Variants in TDRP observed in about 807,000 individuals in gnomAD.
The protein encoded by TDRP is testis development-related protein.
In TDRP, 12 loss-of-function variants were observed where a neutral mutation model predicts 10.5. That is an observed-to-expected ratio of 1.15 (90% CI 0.73 to 1.86). The LOEUF is 1.86. TDRP is among the 40% of genes most tolerant of loss of function. TDRP has a pLI of 0.00. For missense variants in TDRP, 353 were observed against 229.2 expected (o/e 1.54, Z -3.49); for synonymous variants, 139 against 95.4 (o/e 1.46, Z -2.67).
rs1412891217 is a variant in TDRP, at chr8:492,545, C to A, written c.412G>T (p.Asp138Tyr). Residue 138 changes from aspartate (D) to tyrosine (Y), a missense_variant, in exon 3 of 3, where the codon GAT (aspartate) becomes TAT (tyrosine). Coordinates refer to ENST00000324079, the MANE Select transcript of TDRP (RefSeq NM_001384899.1). The stretch of plus-strand genomic sequence containing the variant: ...TACTTGGTCGAGCCCTTGGCGTCAT[C>A]CTCCCAGCCTGACCAGGATGGGTGG... ...GGHPSWSGWEDDAKGSTKYTS... is the reference protein window; with the variant it reads ...GGHPSWSGWEYDAKGSTKYTS... The A allele has an allele frequency of 7.4e-6, 12 of 1,612,026 alleles. No homozygotes were observed. The highest frequency in any genetic ancestry group is 1.3e-5 in the African/African-American group (1 of 75,058).
intron 1 of TDRP, among the ~76,000 whole-genome samples, chr8:530,259 T>G (rs1276450614): frequency 1.3e-5 from 2 of 152,218 alleles, no homozygotes; most frequent in Admixed American, 6.5e-5. Context: ...TTTCATTTGC[T>G]TGACTATCTC....
At chr8:501,183 G>A (rs1350617160) in intron 1 of TDRP, among the ~76,000 whole-genome samples, 3 of 151,610 alleles carry the variant, frequency 2.0e-5, no homozygotes, top group Non-Finnish European at 4.4e-5. Flanking sequence ...TCCAGCCTGG[G>A]CGACAGAGTG....
At chr8:497,609 A>G (rs1346030020) in intron 1 of TDRP, among the ~76,000 whole-genome samples, 1 of 152,150 alleles carries the variant, frequency 6.6e-6, no homozygotes. Flanking sequence ...AGAAAAGAAA[A>G]CCCTTTCTGG....
intron 1 of TDRP, among the ~76,000 whole-genome samples, chr8:509,879 T>C (rs1056654693): frequency 2.6e-5 from 4 of 152,184 alleles, no homozygotes; most frequent in Admixed American, 6.5e-5. Context: ...GGAAAATAAA[T>C]GTTGGGACTC....
Position 490,025 on chromosome 8 carries a change from A to G in TDRP, c.*2374T>C, listed in dbSNP as rs1161922802. On this transcript the variant is annotated 3_prime_UTR_variant, in exon 3 of 3. Transcript: ENST00000324079. ...CTTCTCTGAAGCACATCACTTTCCT[A>G]TTAAAAAATAAAAAAAGTACAGTAG... 6.6e-6 allele frequency: 1 copy of G among 152,260 alleles called. No individual in the cohort carries two copies. The highest frequency in any genetic ancestry group is 1.9e-4 in the East Asian group (1 of 5,204). The allele number at this position is 152,260 out of a possible 1,614,324, so 9.4% of individuals were successfully genotyped here. A position where few individuals can be genotyped will look rare whatever the true frequency, so the allele number is the denominator to read the frequency against.
At chr8:499,124 G>T (rs1311392091) in intron 1 of TDRP, among the ~76,000 whole-genome samples, 1 of 152,166 alleles carries the variant, frequency 6.6e-6, no homozygotes, top group Non-Finnish European at 1.5e-5. Flanking sequence ...AACAGGAAAT[G>T]AGAATTATTG....
chr8:509,665 C>G (rs1267382704), intron 1 of TDRP, among the ~76,000 whole-genome samples: 1 of 152,148 alleles, frequency 6.6e-6, no homozygotes, highest in East Asian at 1.9e-4. Flanking sequence ...GGAGGGGCTG[C>G]CCCAAAGGTC....
chr8:501,015 G>T (rs1006779240), intron 1 of TDRP, among the ~76,000 whole-genome samples: 4 of 152,116 alleles, frequency 2.6e-5, no homozygotes, highest in African/African-American at 4.8e-5. Flanking sequence ...GACCATCCTG[G>T]CTAACACGGT....
chr8:507,565 C>G (rs1363111787), intron 1 of TDRP, among the ~76,000 whole-genome samples: 1 of 152,128 alleles, frequency 6.6e-6, no homozygotes, highest in Admixed American at 6.5e-5. Flanking sequence ...GAAAGCCTGC[C>G]ACACCTCCAT....
At chr8:531,173 C>CT (rs200541121) in intron 1 of TDRP, among the ~76,000 whole-genome samples, 7 of 151,702 alleles carry the variant, frequency 4.6e-5, no homozygotes, top group Admixed American at 2.0e-4. Context: ...AATTAAATGG[C>CT]TTTTTTTTTC....
rs145965315 is a variant in TDRP at position 496,063 on chromosome 8, A to G, written c.109-1466T>C. 8.1e-3 allele frequency among the ~76,000 whole-genome samples: 1,236 copies of G among 152,354 alleles called. 4 individuals carry two copies. Among genetic ancestry groups the G allele is most frequent in the Non-Finnish European group, 0.011 (726 of 68,026 alleles). ...TGGCAGTACCCACGCCAAAGAAACC[A>G]TCACAACAAAAACCCTGGGCATCAG... On this transcript the variant is annotated intron_variant, in intron 1 of 2. Coordinates refer to ENST00000324079, the MANE Select transcript of TDRP (RefSeq NM_001384899.1).
chr8:542,798 A>T (rs1009936374), intron 1 of TDRP, among the ~76,000 whole-genome samples: 3 of 148,628 alleles, frequency 2.0e-5, no homozygotes, highest in Non-Finnish European at 4.5e-5. Flanking sequence ...GGGAGGGTGC[A>T]GTGAGCTGAG....
intron 1 of TDRP, among the ~76,000 whole-genome samples, chr8:541,345 T>G (rs997728939): frequency 6.6e-6 from 1 of 152,196 alleles, no homozygotes; most frequent in African/African-American, 2.4e-5. Context: ...TGGGAAAACC[T>G]TGGGTACAGT....
intron 1 of TDRP, among the ~76,000 whole-genome samples, chr8:531,534 T>A (rs982138671): frequency 6.6e-6 from 1 of 152,168 alleles, no homozygotes; most frequent in South Asian, 2.1e-4. Flanking sequence ...TACTGAAGAA[T>A]TGGTTGGTGT....
intron 1 of TDRP, among the ~76,000 whole-genome samples, chr8:525,946 C>G (rs1376033633): frequency 2.0e-5 from 3 of 152,138 alleles, no homozygotes; most frequent in Non-Finnish European, 4.4e-5. Context: ...CTTTTCTCTG[C>G]TGGAAGTCTT....
intron 1 of TDRP, among the ~76,000 whole-genome samples, chr8:498,511 G>C (rs938081946): frequency 6.6e-6 from 1 of 152,122 alleles, no homozygotes; most frequent in Non-Finnish European, 1.5e-5. Context: ...ACTTGTTTTT[G>C]ATTTTACAGG....
At chr8:497,781 T>G (rs554578481) in intron 1 of TDRP, among the ~76,000 whole-genome samples, 1 of 152,328 alleles carries the variant, frequency 6.6e-6, no homozygotes, top group Admixed American at 6.5e-5. Context: ...AATGGTTTTC[T>G]GGGCCAGGCC....
At chr8:535,709 G>C (rs1802327049) in intron 1 of TDRP, among the ~76,000 whole-genome samples, 1 of 152,020 alleles carries the variant, frequency 6.6e-6, no homozygotes, top group African/African-American at 2.4e-5. Flanking sequence ...ATATGGACAA[G>C]TGCCCACCAG....
chr8:542,872 A>G (rs1415135927), intron 1 of TDRP, among the ~76,000 whole-genome samples: 2 of 151,902 alleles, frequency 1.3e-5, no homozygotes, highest in African/African-American at 2.4e-5. Context: ...AAAAAAAAAA[A>G]AAAGTATAGA....
Sources: gnomAD v4.1 joint callset for allele counts (sites outside exome capture counted in the v4.1 genomes callset) on GRCh38, gnomAD v4.1.1 for gene constraint, MANE v1.5 for transcripts, NCBI Gene and HGNC (gene_info 2026-07-23, HGNC 2026-07-21) for gene names.